The following TNFRSF10B variants were observed in gnomAD, a reference collection of about 807,000 sequenced individuals.
TNFRSF10B encodes the protein TNF receptor superfamily member 10b, also known as tumor necrosis factor receptor superfamily member 10B.
TNFRSF10B carries 35 observed loss-of-function variants against 41.4 expected under a neutral mutation model. That is an observed-to-expected ratio of 0.85 (90% CI 0.65 to 1.12). The LOEUF is 1.12. TNFRSF10B is among the 50% of genes most tolerant of loss of function. The pLI, the probability that TNFRSF10B is intolerant of heterozygous loss-of-function variation, is 0.00. For missense variants in TNFRSF10B, 584 were observed against 552.7 expected (o/e 1.06, Z -0.57); for synonymous variants, 230 against 215.5 (o/e 1.07, Z -0.59).
rs764892717 is a variant in TNFRSF10B, at chr8:23,021,247, T to A, written c.*1424A>T. ...ACCTTAATGCGTCAGCCATTCTAGG[T>A]CCTGTTGCCACAGTGTTTAAGAATT... On this transcript the variant is annotated 3_prime_UTR_variant, in exon 9 of 9. Transcript: ENST00000276431. 17 of 454,006 alleles carry A rather than the reference T, an allele frequency of 3.7e-5. No homozygotes were observed. The highest frequency in any genetic ancestry group is 2.6e-4 in the South Asian group (17 of 64,478). 28.1% of individuals were successfully genotyped at this position (454,006 alleles called of 1,614,324 possible).
intron 1 of TNFRSF10B, among the ~76,000 whole-genome samples, chr8:23,063,414 T>C (rs768832052): frequency 4.1e-4 from 62 of 152,128 alleles, no homozygotes; most frequent in Non-Finnish European, 5.6e-4. Context: ...TCTTTTAGCA[T>C]TTTGTGTACT....
chr8:23,046,835 G>T (rs1434591012), intron 1 of TNFRSF10B, among the ~76,000 whole-genome samples: 1 of 152,038 alleles, frequency 6.6e-6, no homozygotes, highest in Non-Finnish European at 1.5e-5. Flanking sequence ...TGCCAAAAGT[G>T]CCAAGAATAC....
Position 23,027,728 on chromosome 8 carries a change from C to T in TNFRSF10B, c.774G>A (p.Val258=). Residue 258 remains valine, a synonymous_variant, in exon 6 of 9, where the codon GTG becomes GTA. Coordinates refer to ENST00000276431, the MANE Select transcript of TNFRSF10B (RefSeq NM_003842.5). Reference sequence around the variant, plus strand: ...CCTGGAGAAATCAACTCACTCTGTCCACACGCTCAGGGTCCCCACCACCAC... The same window carrying T: ...CCTGGAGAAATCAACTCACTCTGTCTACACGCTCAGGGTCCCCACCACCAC... ...CSGGGGDPER[V]DRSSQRPGAE... 6.2e-7 allele frequency: 1 copy of T among 1,614,046 alleles called. No individual in the cohort carries two copies. Among genetic ancestry groups the T allele is most frequent in the Non-Finnish European group, 8.5e-7 (1 of 1,180,000 alleles).
chr8:23,061,326 C>A (rs1415748421), intron 1 of TNFRSF10B, among the ~76,000 whole-genome samples: 1 of 152,136 alleles, frequency 6.6e-6, no homozygotes, highest in Non-Finnish European at 1.5e-5. Context: ...AAGTTTCTTA[C>A]CACTTGGTTT....
rs1474092693 is a variant in TNFRSF10B at position 23,022,925 on chromosome 8, G to A, written c.1069C>T (p.Leu357Phe). 3 of 1,613,866 alleles carry A rather than the reference G, an allele frequency of 1.9e-6. No individual in the cohort carries two copies. The African/African-American group carries it at 4.0e-5, about 22-fold the overall frequency. Reference sequence around the variant, plus strand: ...TCCATGAGGCCCAACTTCCTCATGAGCGGCTCCCAGGAGTCAAAGGGCACC... The same window carrying A: ...TCCATGAGGCCCAACTTCCTCATGAACGGCTCCCAGGAGTCAAAGGGCACC... ...DLVPFDSWEP[L>F]MRKLGLMDNE... Residue 357 changes from leucine (L) to phenylalanine (F), a missense_variant, in exon 9 of 9, where the codon CTC becomes TTC. Coordinates refer to ENST00000276431, the MANE Select transcript of TNFRSF10B (RefSeq NM_003842.5).
intron 7 of TNFRSF10B, 75 bp downstream of exon 7, chr8:23,027,058 C>T: frequency 6.2e-7 from 1 of 1,607,906 alleles, no homozygotes; most frequent in East Asian, 2.2e-5. Flanking sequence ...AGCTAAGGCA[C>T]TGCCCTCTCC....
intron 7 of TNFRSF10B, among the ~76,000 whole-genome samples, chr8:23,026,814 T>G (rs1460906688): frequency 6.6e-6 from 1 of 152,230 alleles, no homozygotes; most frequent in African/African-American, 2.4e-5. Flanking sequence ...AAGGGCTCAC[T>G]GACTTCTGTT....
At chr8:23,032,097 G>T (rs1811901357) in intron 2 of TNFRSF10B, among the ~76,000 whole-genome samples, 1 of 151,908 alleles carries the variant, frequency 6.6e-6, no homozygotes, top group Admixed American at 6.6e-5. Flanking sequence ...AGTAGAGACG[G>T]GGTTTCACCA....
chr8:23,063,120 G>A (rs141244769), intron 1 of TNFRSF10B, among the ~76,000 whole-genome samples: 3,557 of 152,136 alleles, frequency 0.023, 44 homozygotes, highest in Middle Eastern at 0.054. Context: ...AGGCCAAGGC[G>A]GTGGATCTCC....
intron 8 of TNFRSF10B, among the ~76,000 whole-genome samples, chr8:23,023,238 A>G (rs576453428): frequency 6.6e-6 from 1 of 152,288 alleles, no homozygotes; most frequent in South Asian, 2.1e-4. Flanking sequence ...AGAACCCACC[A>G]GGGGAGTATG....
intron 2 of TNFRSF10B, among the ~76,000 whole-genome samples, chr8:23,041,319 A>C (rs1812195257): frequency 6.6e-6 from 1 of 151,828 alleles, no homozygotes; most frequent in Admixed American, 6.6e-5. Flanking sequence ...GGCCTCTCGA[A>C]GTGCTGGGAT....
At chr8:23,038,005 A>G (rs192158182) in intron 2 of TNFRSF10B, among the ~76,000 whole-genome samples, 3 of 152,354 alleles carry the variant, frequency 2.0e-5, no homozygotes, top group Admixed American at 2.0e-4. Context: ...TGTAACTTGA[A>G]GACTGCCACT....
At chr8:23,064,530 G>A (rs963290858) in intron 1 of TNFRSF10B, among the ~76,000 whole-genome samples, 2 of 152,070 alleles carry the variant, frequency 1.3e-5, no homozygotes, top group Non-Finnish European at 2.9e-5. Context: ...AGAGAGAGAA[G>A]GAAAACAAGA....
At chr8:23,027,868 C>G (rs895894826) in intron 5 of TNFRSF10B, 115 bp from the exon 6 acceptor site, 32 of 1,288,660 alleles carry the variant, frequency 2.5e-5, no homozygotes, top group Non-Finnish European at 3.3e-5. Flanking sequence ...ACAAGGAGCC[C>G]TGGGGCTGGG....
At position 23,022,292 on chromosome 8, in the gene TNFRSF10B, T is replaced by A; in HGVS notation, c.*379A>T. The A allele has an allele frequency of 2.2e-6, 1 of 456,826 alleles. No individual in the cohort carries two copies. The allele number at this position is 456,826 out of a possible 1,614,324, so 28.3% of individuals were successfully genotyped here. A position where few individuals can be genotyped will look rare whatever the true frequency, so the allele number is the denominator to read the frequency against. ...CCCAAAAAAGGTTCATATCATATAG[T>A]ATCAAGTGAAGTCGGACAACGACTG... On this transcript the variant is annotated 3_prime_UTR_variant, in exon 9 of 9. Transcript: ENST00000276431.
intron 1 of TNFRSF10B, among the ~76,000 whole-genome samples, chr8:23,048,902 G>T (rs555008197): frequency 6.6e-6 from 1 of 152,058 alleles, no homozygotes; most frequent in South Asian, 2.1e-4. Context: ...GTGCCTGGCC[G>T]TAATTTCTTA....
At chr8:23,032,163 T>C (rs1055872149) in intron 2 of TNFRSF10B, among the ~76,000 whole-genome samples, 10 of 152,122 alleles carry the variant, frequency 6.6e-5, no homozygotes, top group African/African-American at 2.4e-4. Flanking sequence ...CCTCACATAT[T>C]TCAAGTGATT....
intron 1 of TNFRSF10B, 101 bp downstream of exon 1, chr8:23,068,650 G>A (rs894826694): frequency 1.1e-5 from 16 of 1,479,516 alleles, no homozygotes; most frequent in South Asian, 9.0e-5. Context: ...CCGGCCGCAG[G>A]CGACCCGGGC....
intron 1 of TNFRSF10B, among the ~76,000 whole-genome samples, chr8:23,053,527 A>C (rs1026515451): frequency 6.6e-6 from 1 of 152,180 alleles, no homozygotes; most frequent in Non-Finnish European, 1.5e-5. Flanking sequence ...GGTAATTGTA[A>C]AGACAATTCT....
Sources: gnomAD v4.1 joint callset for allele counts (sites outside exome capture counted in the v4.1 genomes callset) on GRCh38, gnomAD v4.1.1 for gene constraint, MANE v1.5 for transcripts, NCBI Gene and HGNC (gene_info 2026-07-23, HGNC 2026-07-21) for gene names.